Variants in DLGAP2 observed in about 807,000 individuals in gnomAD.
DLGAP2 encodes disks large-associated protein 2.
In DLGAP2, 26 loss-of-function variants were observed where a neutral mutation model predicts 100.3. The observed-to-expected ratio is 0.26, with a 90% CI of 0.19 to 0.36. The LOEUF is 0.36. Among genes scored for constraint, DLGAP2 ranks in the 10% least tolerant of loss-of-function variants. The pLI, the probability that DLGAP2 is intolerant of heterozygous loss-of-function variation, is 1.00. For missense variants in DLGAP2, 1,858 were observed against 1,453.2 expected, an observed-to-expected ratio of 1.28 and a Z score of -4.53; for synonymous variants, 886 against 630.1, an observed-to-expected ratio of 1.41 and a Z score of -6.08.
chr8:851,326 A>G (rs1408803027), intron 1 of DLGAP2, among the ~76,000 whole-genome samples: 2 of 152,210 alleles, frequency 1.3e-5, no homozygotes, highest in East Asian at 1.9e-4. Flanking sequence ...CGCATGTCTC[A>G]GGACGTAGCC....
Position 1,431,098 on chromosome 8 carries a change from A to G in DLGAP2, c.107-70268A>G, listed in dbSNP as rs140117454. Among the ~76,000 whole-genome samples the G allele has an allele frequency of 1.0e-3, 156 of 152,366 alleles. No individual in the cohort carries two copies. In the East Asian group the frequency reaches 0.024, roughly 23 times the overall value. On this transcript the variant is annotated intron_variant, in intron 3 of 14. Coordinates refer to ENST00000637795, the MANE Select transcript of DLGAP2 (RefSeq NM_001346810.2). ...AACTGTAAAATGGGAAGCAAAGGCT[A>G]CTACTATTATTTCAATTGTTACAAC... is the stretch of plus-strand genomic sequence containing the variant.
intron 1 of DLGAP2, among the ~76,000 whole-genome samples, chr8:888,389 G>A (rs1047664516): frequency 7.2e-5 from 11 of 152,064 alleles, no homozygotes; most frequent in African/African-American, 2.7e-4. Flanking sequence ...CTGTCAATTT[G>A]TCCACCTGAT....
chr8:1,170,920 T>C (rs1329863631), intron 2 of DLGAP2, among the ~76,000 whole-genome samples: 1 of 149,716 alleles, frequency 6.7e-6, no homozygotes, highest in African/African-American at 2.5e-5. Context: ...TCTTGCCTTC[T>C]GCTAGCTTTT....
At chr8:1,696,581 G>A (rs994138078) in intron 13 of DLGAP2, among the ~76,000 whole-genome samples, 9 of 152,198 alleles carry the variant, frequency 5.9e-5, no homozygotes, top group African/African-American at 1.7e-4. Context: ...CACGTCTCTG[G>A]GCCACTCGGC....
At chr8:751,574 A>T (rs1440169107) in intron 1 of DLGAP2, among the ~76,000 whole-genome samples, 1 of 151,812 alleles carries the variant, frequency 6.6e-6, no homozygotes, top group East Asian at 1.9e-4. Flanking sequence ...TTCATCTGAC[A>T]CTTTATAGTA....
Position 1,151,985 on chromosome 8 carries a change from G to C in DLGAP2, c.74-106866G>C, listed in dbSNP as rs956807060. On this transcript the variant is annotated intron_variant, in intron 2 of 14. Transcript: ENST00000637795. ...GGTTCCCACAAGACACCTGCGAGTA[G>C]TTTTCTCACCTCAACCTCACTAGCA... 2.6e-5 allele frequency among the ~76,000 whole-genome samples: 4 copies of C among 152,216 alleles called. No homozygotes were observed. In the South Asian group the frequency reaches 8.3e-4, roughly 32 times the overall value.
chr8:1,162,785 G>A (rs1238399029), intron 2 of DLGAP2, among the ~76,000 whole-genome samples: 3 of 152,216 alleles, frequency 2.0e-5, no homozygotes, highest in African/African-American at 4.8e-5. Flanking sequence ...TTGTCTGTAC[G>A]GCGCTGTGGC....
intron 2 of DLGAP2, among the ~76,000 whole-genome samples, chr8:1,084,854 C>G (rs1326567096): frequency 6.6e-6 from 1 of 152,172 alleles, no homozygotes; most frequent in Non-Finnish European, 1.5e-5. Flanking sequence ...GCAGGCATCT[C>G]CACATGCTGA....
chr8:1,647,615 G>GATTCAT lies in DLGAP2; in HGVS notation c.1810+14570_1810+14575dup, dbSNP rs575796890. Reference sequence around the variant, plus strand: ...CAGACAGCAGAACACATTCCTATGAGATTCATGCTAACAATATCAAGATAG... The same window carrying GATTCAT: ...CAGACAGCAGAACACATTCCTATGAGATTCATATTCATGCTAACAATATCAAGATAG... On this transcript the variant is annotated intron_variant, in intron 8 of 14. Coordinates refer to ENST00000637795, the MANE Select transcript of DLGAP2 (RefSeq NM_001346810.2). Among the ~76,000 whole-genome samples, 29 of 148,228 alleles carry GATTCAT rather than the reference G, an allele frequency of 2.0e-4. No individual in the cohort carries two copies. The East Asian group carries it at 4.4e-3, about 22-fold the overall frequency.
intron 2 of DLGAP2, among the ~76,000 whole-genome samples, chr8:1,176,557 C>T (rs966562004): frequency 5.3e-5 from 8 of 151,416 alleles, no homozygotes; most frequent in African/African-American, 1.2e-4. Context: ...GGTTTATTGA[C>T]GTTGTTCATG....
intron 1 of DLGAP2, among the ~76,000 whole-genome samples, chr8:763,079 G>A (rs1431192849): frequency 1.3e-5 from 2 of 152,040 alleles, no homozygotes; most frequent in Non-Finnish European, 2.9e-5. Context: ...AAAAAAAAAG[G>A]GAAGACGACT....
intron 1 of DLGAP2, among the ~76,000 whole-genome samples, chr8:788,447 C>A (rs1821937846): frequency 6.6e-6 from 1 of 152,222 alleles, no homozygotes; most frequent in South Asian, 2.1e-4. Flanking sequence ...TCCACGTGGT[C>A]TGGTCAGCAG....
chr8:1,633,274 T>C (rs563781701), intron 8 of DLGAP2, among the ~76,000 whole-genome samples: 1 of 152,186 alleles, frequency 6.6e-6, no homozygotes, highest in Admixed American at 6.5e-5. Flanking sequence ...GCAAGTTTCC[T>C]TAAAATAATC....
chr8:1,065,999 G>T (rs781380876), intron 2 of DLGAP2, among the ~76,000 whole-genome samples: 5 of 152,234 alleles, frequency 3.3e-5, no homozygotes, highest in African/African-American at 1.2e-4. Flanking sequence ...TGGCCACGTC[G>T]TGGTGGTGTC....
chr8:1,303,137 C>T (rs1800399492), intron 3 of DLGAP2, among the ~76,000 whole-genome samples: 1 of 152,174 alleles, frequency 6.6e-6, no homozygotes, highest in Non-Finnish European at 1.5e-5. Context: ...GTGGCTCACG[C>T]CTGTAATCCC....
intron 1 of DLGAP2, among the ~76,000 whole-genome samples, chr8:902,103 C>T (rs981292719): frequency 3.9e-5 from 6 of 152,216 alleles, no homozygotes; most frequent in African/African-American, 1.4e-4. Flanking sequence ...AATGTTGCGC[C>T]AGAAGCAAGA....
At chr8:928,967 C>T (rs1010642986) in intron 2 of DLGAP2, among the ~76,000 whole-genome samples, 26 of 143,324 alleles carry the variant, frequency 1.8e-4, no homozygotes, top group African/African-American at 6.7e-4. Context: ...AGATGAAGAC[C>T]CCCCCCGCCA....
intron 2 of DLGAP2, among the ~76,000 whole-genome samples, chr8:933,322 T>C (rs562690227): frequency 7.5e-5 from 11 of 145,962 alleles, no homozygotes; most frequent in Middle Eastern, 7.7e-3. Flanking sequence ...GAGGGCAGAG[T>C]CTGCTGTGGA....
rs185160252 is a variant in DLGAP2 at position 805,753 on chromosome 8, A to G, written c.18+67928A>G. Among the ~76,000 whole-genome samples the G allele has an allele frequency of 1.3e-4, 20 of 152,274 alleles. No individual in the cohort carries two copies. In the East Asian group the frequency reaches 3.3e-3, roughly 25 times the overall value. On this transcript the variant is annotated intron_variant, in intron 1 of 14. Transcript: ENST00000637795. ...GTAGCTGGGACTACTCCTGAGCCCAAGCAGTCCGCCGGCCTTGGCCTCGGC... is the reference window on the plus strand; with the variant it reads ...GTAGCTGGGACTACTCCTGAGCCCAGGCAGTCCGCCGGCCTTGGCCTCGGC...
Sources: allele counts gnomAD v4.1 joint callset (sites outside exome capture counted in the v4.1 genomes callset), GRCh38; gene constraint gnomAD v4.1.1; transcripts MANE v1.5; gene names NCBI Gene and HGNC (gene_info 2026-07-23, HGNC 2026-07-21).